SEPTIN9: variants seen among roughly 807,000 people sequenced by gnomAD.
The protein encoded by SEPTIN9 is septin-9.
Under a neutral mutation model 56.6 loss-of-function variants are expected in SEPTIN9, and 13 were observed. The observed-to-expected ratio is 0.23, with a 90% CI of 0.15 to 0.37. SEPTIN9 has a LOEUF of 0.37. Ranked by LOEUF, SEPTIN9 falls within the 10% of genes least tolerant of loss-of-function variation. The probability of loss-of-function intolerance (pLI) is 1.00; values close to 1 mark genes in which losing one functional copy is unlikely to be tolerated. For synonymous variants in SEPTIN9, 332 were observed against 334.1 expected (o/e 0.99, Z 0.07); for missense variants, 650 against 823.1 (o/e 0.79, Z 2.57).
chr17:77,439,375 C>T (rs2037464665), intron 3 of SEPTIN9, among the ~76,000 whole-genome samples: 1 of 152,122 alleles, frequency 6.6e-6, no homozygotes, highest in Non-Finnish European at 1.5e-5. Flanking sequence ...CCTGGGGGCC[C>T]CAGGGACCAG....
intron 1 of SEPTIN9, among the ~76,000 whole-genome samples, chr17:77,298,004 G>T (rs1352256417): frequency 6.6e-6 from 1 of 152,178 alleles, no homozygotes; most frequent in Non-Finnish European, 1.5e-5. Context: ...GAGGCCAGAG[G>T]GGCTGCAGTA....
intron 1 of SEPTIN9, among the ~76,000 whole-genome samples, chr17:77,301,765 T>G (rs2032064704): frequency 6.6e-6 from 1 of 152,250 alleles, no homozygotes; most frequent in Admixed American, 6.5e-5. Context: ...AAATGGATGT[T>G]TATGCACAAT....
intron 3 of SEPTIN9, among the ~76,000 whole-genome samples, chr17:77,416,354 C>A (rs570028895): frequency 6.6e-6 from 1 of 152,334 alleles, no homozygotes; most frequent in East Asian, 1.9e-4. Flanking sequence ...CAGAGCAGCA[C>A]TGTGGCTCTT....
Position 77,474,237 on chromosome 17 carries a change from C to T in SEPTIN9, c.722-7907C>T, listed in dbSNP as rs187947217. On this transcript the variant is annotated intron_variant, in intron 3 of 11. Transcript: ENST00000427177. Reference sequence around the variant, plus strand: ...CTTTGGCAGGGGCCCCAGGGCAGCTCTGCCTCTTTATTTTGGCTGTGGGAC... The same window carrying T: ...CTTTGGCAGGGGCCCCAGGGCAGCTTTGCCTCTTTATTTTGGCTGTGGGAC... Among the ~76,000 whole-genome samples the T allele has an allele frequency of 2.2e-3, 337 of 152,338 alleles. 9 individuals are homozygous for T. The South Asian group carries it at 0.056, about 25-fold the overall frequency.
intron 1 of SEPTIN9, among the ~76,000 whole-genome samples, chr17:77,292,411 T>C (rs1444390936): frequency 6.6e-6 from 1 of 152,114 alleles, no homozygotes; most frequent in Admixed American, 6.5e-5. Flanking sequence ...TCAGAAGGGA[T>C]CCAAGGCTGG....
chr17:77,443,253 A>G (rs1158114553), intron 3 of SEPTIN9, among the ~76,000 whole-genome samples: 1 of 152,098 alleles, frequency 6.6e-6, no homozygotes, highest in East Asian at 1.9e-4. Flanking sequence ...TCTGGGACAC[A>G]CTTGATGTTG....
intron 1 of SEPTIN9, among the ~76,000 whole-genome samples, chr17:77,299,599 A>G (rs1301502590): frequency 1.3e-5 from 2 of 152,198 alleles, no homozygotes; most frequent in Non-Finnish European, 2.9e-5. Flanking sequence ...TTTATCTGAA[A>G]TCCAGGTTTA....
intron 3 of SEPTIN9, among the ~76,000 whole-genome samples, chr17:77,458,806 G>A (rs1472683962): frequency 6.6e-6 from 1 of 152,202 alleles, no homozygotes; most frequent in Non-Finnish European, 1.5e-5. Context: ...GCTCTAAGAT[G>A]GAGTGTCCCA....
intron 3 of SEPTIN9, among the ~76,000 whole-genome samples, chr17:77,480,438 A>C (rs1489204761): frequency 3.3e-5 from 5 of 151,550 alleles, no homozygotes; most frequent in Non-Finnish European, 7.4e-5. Flanking sequence ...CAGGGGGCTC[A>C]GTGGGCATTT....
At chr17:77,289,782 T>G (rs1052424312) in intron 1 of SEPTIN9, among the ~76,000 whole-genome samples, 1 of 152,212 alleles carries the variant, frequency 6.6e-6, no homozygotes, top group Admixed American at 6.5e-5. Context: ...TTCTTTCTCT[T>G]TTGCTTTTTG....
intron 2 of SEPTIN9, among the ~76,000 whole-genome samples, chr17:77,384,142 C>T (rs188162545): frequency 0.031 from 4,706 of 150,440 alleles, 239 homozygotes; most frequent in African/African-American, 0.11. Context: ...AAGAGGCTGG[C>T]GGGAGGCTGG....
intron 1 of SEPTIN9, chr17:77,294,368 C>G (rs1010218863): frequency 1.3e-5 from 2 of 152,486 alleles, no homozygotes; most frequent in Admixed American, 1.3e-4. Flanking sequence ...TGCAGTGGGC[C>G]AAGATCGTGC....
intron 3 of SEPTIN9, among the ~76,000 whole-genome samples, chr17:77,430,630 C>T (rs147634276): frequency 4.4e-4 from 67 of 152,294 alleles, no homozygotes; most frequent in African/African-American, 1.3e-3. Context: ...AGCCTGGTGC[C>T]GGCTGACAGC....
intron 3 of SEPTIN9, among the ~76,000 whole-genome samples, chr17:77,408,684 G>A (rs1412990550): frequency 6.6e-6 from 1 of 151,844 alleles, no homozygotes; most frequent in African/African-American, 2.4e-5. Context: ...GGGTGGGGAG[G>A]GCGGGCATCA....
Position 77,422,790 on chromosome 17 carries a change from G to A in SEPTIN9, c.721+20087G>A, listed in dbSNP as rs150622060. Among the ~76,000 whole-genome samples, 152 of 152,232 alleles carry A rather than the reference G, an allele frequency of 1.0e-3. 3 individuals carry two copies. In the East Asian group the frequency reaches 0.014, roughly 14 times the overall value. On this transcript the variant is annotated intron_variant, in intron 3 of 11. Transcript: ENST00000427177. ...TCAGGATAGCTCTGAATTCCCTGCC[G>A]AAATGCAGCTTCCTGGGCCCTAACC...
chr17:77,493,114 A>G, intron 10 of SEPTIN9, 38 bp downstream of exon 10: 1 of 1,467,224 alleles, frequency 6.8e-7, no homozygotes, highest in Non-Finnish European at 9.3e-7. Flanking sequence ...GACAGATGGG[A>G]AGACAGTCTC....
chr17:77,475,023 C>T lies in SEPTIN9; in HGVS notation c.722-7121C>T, dbSNP rs529437814. On this transcript the variant is annotated intron_variant, in intron 3 of 11. Coordinates refer to ENST00000427177, the MANE Select transcript of SEPTIN9 (RefSeq NM_001113491.2). The surrounding 1 kb of genome is among the most constrained non-coding windows in gnomAD (Gnocchi z 4.6). ...TCTCTAAAAAAAAAAATTAGAGTAA[C>T]GCCTGGCACAGAGAGCCCCCAGTAA... Among the ~76,000 whole-genome samples, 6 of 152,206 alleles carry T rather than the reference C, an allele frequency of 3.9e-5. No homozygotes were observed. In the South Asian group the frequency reaches 1.0e-3, roughly 26 times the overall value.
intron 3 of SEPTIN9, among the ~76,000 whole-genome samples, chr17:77,477,191 GC>G (rs1168572648): frequency 6.9e-6 from 1 of 145,610 alleles, no homozygotes; most frequent in Non-Finnish European, 1.5e-5. Flanking sequence ...TACACCATCC[GC>G]CGATTCAGAA....
rs375942644 is a variant in SEPTIN9 at position 77,488,677 on chromosome 17, T to C, written c.1125-50T>C. The C allele has an allele frequency of 1.9e-4, 312 of 1,611,364 alleles. 3 individuals carry two copies. In the Middle Eastern group the frequency reaches 6.9e-3, roughly 36 times the overall value. On this transcript the variant is annotated intron_variant, in intron 6 of 11. Coordinates refer to ENST00000427177, the MANE Select transcript of SEPTIN9 (RefSeq NM_001113491.2). ...GAGTCCTGGGAATGCACGACCTGCT[T>C]GGGGAGGGCATCTCATGTGCCTGCT... is the stretch of plus-strand genomic sequence containing the variant.
Sources: allele counts gnomAD v4.1 joint callset (sites outside exome capture counted in the v4.1 genomes callset), GRCh38; gene constraint gnomAD v4.1.1; non-coding constraint Gnocchi (gnomAD v3.1); transcripts MANE v1.5; gene names NCBI Gene and HGNC (gene_info 2026-07-23, HGNC 2026-07-21).